Variants in THRB observed in about 807,000 individuals in gnomAD.
The protein encoded by THRB is thyroid hormone receptor beta, also known as nuclear receptor subfamily 1 group A member 2.
In THRB, 12 loss-of-function variants were observed where a neutral mutation model predicts 47.8. The observed-to-expected ratio is 0.25, with a 90% CI of 0.16 to 0.41. THRB has a LOEUF of 0.41. THRB is among the 10% of genes least tolerant of loss of function. The pLI, the probability that THRB is intolerant of heterozygous loss-of-function variation, is 1.00. For missense variants in THRB, 348 were observed against 589.2 expected (o/e 0.59, Z 4.24); for synonymous variants, 218 against 212.2 (o/e 1.03, Z -0.24).
chr3:24,323,660 C>G (rs951400), intron 2 of THRB, among the ~76,000 whole-genome samples: 49,176 of 151,992 alleles, frequency 0.32, 8,565 homozygotes, highest in African/African-American at 0.44. Context: ...AGATCAGAAA[C>G]ACCAATAGTT....
chr3:24,194,054 CAT>C (rs1430620842), intron 4 of THRB, among the ~76,000 whole-genome samples: 5 of 152,154 alleles, frequency 3.3e-5, no homozygotes, highest in East Asian at 1.9e-4. Flanking sequence ...CGTTTTCACT[CAT>C]GTGTGGGAGC....
intron 1 of THRB, among the ~76,000 whole-genome samples, chr3:24,475,532 T>TAG (rs1184539608): frequency 2.4e-5 from 3 of 126,860 alleles, no homozygotes; most frequent in Non-Finnish European, 3.3e-5. Context: ...TGTCAACATA[T>TAG]ATATAGATAG....
chr3:24,326,295 G>A (rs1005054345), intron 2 of THRB, among the ~76,000 whole-genome samples: 1 of 152,170 alleles, frequency 6.6e-6, no homozygotes, highest in Admixed American at 6.5e-5. Context: ...AAGTGCAATG[G>A]CACAGTCTCG....
At chr3:24,372,939 C>T (rs1160170303) in intron 1 of THRB, among the ~76,000 whole-genome samples, 5 of 152,102 alleles carry the variant, frequency 3.3e-5, no homozygotes, top group African/African-American at 9.7e-5. Context: ...AGACATTCCA[C>T]AAAGCCTGTT....
At chr3:24,242,397 G>A (rs2049631899) in intron 3 of THRB, among the ~76,000 whole-genome samples, 1 of 151,528 alleles carries the variant, frequency 6.6e-6, no homozygotes, top group African/African-American at 2.4e-5. Flanking sequence ...TTTTCCTGCT[G>A]TACTTGTACC....
At chr3:24,299,249 T>TAAAAAAAAAAAAAAA (rs36061929) in intron 2 of THRB, among the ~76,000 whole-genome samples, 1 of 70,186 alleles carries the variant, frequency 1.4e-5, no homozygotes, top group Non-Finnish European at 2.5e-5. Flanking sequence ...CTCAGTCTCA[T>TAAAAAAAAAAAAAAA]AAAAAAAAAA....
intron 3 of THRB, among the ~76,000 whole-genome samples, chr3:24,229,455 C>A: frequency 6.6e-6 from 1 of 152,098 alleles, no homozygotes; most frequent in East Asian, 1.9e-4. Flanking sequence ...TGGACAAGAC[C>A]CCCAGGTGAT....
At chr3:24,262,849 A>G (rs992783198) in intron 3 of THRB, among the ~76,000 whole-genome samples, 1 of 150,786 alleles carries the variant, frequency 6.6e-6, no homozygotes, top group East Asian at 1.9e-4. Context: ...GGATTTTTTT[A>G]TTTTTTTTTC....
intron 4 of THRB, among the ~76,000 whole-genome samples, chr3:24,213,252 C>T (rs1249863101): frequency 4.6e-5 from 7 of 152,162 alleles, no homozygotes; most frequent in Non-Finnish European, 1.0e-4. Flanking sequence ...TTGGCCAGTG[C>T]ATGTGGTGTT....
chr3:24,395,561 G>T (rs1046514901), intron 1 of THRB, among the ~76,000 whole-genome samples: 1 of 151,944 alleles, frequency 6.6e-6, no homozygotes, highest in Non-Finnish European at 1.5e-5. Context: ...AAACTACAGC[G>T]ATATACCATT....
chr3:24,143,834 G>T (rs2035760637), intron 7 of THRB, 128 bp from the exon 8 acceptor site: 2 of 886,744 alleles, frequency 2.3e-6, no homozygotes, highest in Non-Finnish European at 3.6e-6. Context: ...TTCGGGGTGG[G>T]TCACACTGGG....
At chr3:24,284,194 C>A (rs944556281) in intron 3 of THRB, among the ~76,000 whole-genome samples, 3 of 150,376 alleles carry the variant, frequency 2.0e-5, no homozygotes, top group Admixed American at 6.6e-5. Flanking sequence ...TACAAGGCTA[C>A]AGTAACCAAA....
Position 24,127,577 on chromosome 3 carries a change from G to A in THRB, c.1066C>T (p.Leu356=). The change falls in exon 10 of 11, where the codon CTG becomes TTG. Residue 356 remains leucine (L), a synonymous_variant. Transcript: ENST00000646209. ...TTGAAAGAAGACAGAGACATGCCCA[G>A]GTCAAAGATGGCGTCTGACACCACC... The part of the protein sequence containing the change: ...LGVVSDAIFD[L]GMSLSSFNLD... The A allele has an allele frequency of 6.2e-7, 1 of 1,614,172 alleles. No individual in the cohort carries two copies. Among genetic ancestry groups the A allele is most frequent in the Non-Finnish European group, 8.5e-7 (1 of 1,180,024 alleles).
chr3:24,353,995 A>G (rs541672200), intron 1 of THRB, among the ~76,000 whole-genome samples: 4 of 152,300 alleles, frequency 2.6e-5, no homozygotes, highest in African/African-American at 9.6e-5. Context: ...TAAAGGTTGC[A>G]TAGTATTCCA....
chr3:24,273,512 A>C (rs2053569392), intron 3 of THRB, among the ~76,000 whole-genome samples: 1 of 152,196 alleles, frequency 6.6e-6, no homozygotes, highest in African/African-American at 2.4e-5. Context: ...CAACAAAATG[A>C]GAAGAAAAAG....
At position 24,170,831 on chromosome 3, in the gene THRB, A is replaced by G. The variant is rs1184755145; in HGVS notation, c.284-18341T>C. ...TGCTCTCTCAGAAAAAAGATGGAGG[A>G]CTCTCTGCACCAAAATCCATGTGCA... is the stretch of plus-strand genomic sequence containing the variant. On this transcript the variant is annotated intron_variant, in intron 5 of 10. Coordinates refer to ENST00000646209, the MANE Select transcript of THRB (RefSeq NM_001354712.2). Among the ~76,000 whole-genome samples, 4 of 151,558 alleles carry G rather than the reference A, an allele frequency of 2.6e-5. No homozygotes were observed. The East Asian group carries it at 7.7e-4, about 29-fold the overall frequency.
chr3:24,236,291 G>T (rs2048870400), intron 3 of THRB, among the ~76,000 whole-genome samples: 1 of 152,156 alleles, frequency 6.6e-6, no homozygotes, highest in South Asian at 2.1e-4. Context: ...TTAGTAGTTT[G>T]GGGATCATGG....
intron 1 of THRB, among the ~76,000 whole-genome samples, chr3:24,356,023 C>A (rs1463831077): frequency 1.3e-5 from 2 of 152,134 alleles, no homozygotes; most frequent in Non-Finnish European, 2.9e-5. Context: ...AGGCAGAATT[C>A]TTCTCCAGCT....
chr3:24,201,747 T>C (rs2044621337), intron 4 of THRB, among the ~76,000 whole-genome samples: 1 of 152,212 alleles, frequency 6.6e-6, no homozygotes, highest in South Asian at 2.1e-4. Context: ...GATGTCTTTA[T>C]TTCCTAAGTG....
Sources: gnomAD v4.1 joint callset for allele counts (sites outside exome capture counted in the v4.1 genomes callset) on GRCh38, gnomAD v4.1.1 for gene constraint, MANE v1.5 for transcripts, NCBI Gene and HGNC (gene_info 2026-07-23, HGNC 2026-07-21) for gene names.